The following PTPRM variants were observed in gnomAD, a reference collection of about 807,000 sequenced individuals.
PTPRM encodes the protein receptor-type tyrosine-protein phosphatase mu.
A neutral mutation model predicts 186.7 loss-of-function variants in PTPRM; 47 were observed. The observed-to-expected ratio is 0.25, with a 90% CI of 0.20 to 0.32. PTPRM has a LOEUF of 0.32. Ranked by LOEUF, PTPRM falls within the 10% of genes least tolerant of loss-of-function variation. PTPRM has a pLI of 1.00. For synonymous variants in PTPRM, 668 were observed against 674.9 expected, an observed-to-expected ratio of 0.99 and a Z score of 0.16; for missense variants, 1,494 against 1,865.0, an observed-to-expected ratio of 0.80 and a Z score of 3.66.
At chr18:7,689,849 G>A (rs1476661257) in intron 1 of PTPRM, among the ~76,000 whole-genome samples, 2 of 152,128 alleles carry the variant, frequency 1.3e-5, no homozygotes, top group South Asian at 4.1e-4. Context: ...TTTACACTCA[G>A]TGTTTTTACT....
intron 1 of PTPRM, among the ~76,000 whole-genome samples, chr18:7,719,903 T>C (rs952974532): frequency 1.3e-5 from 2 of 152,112 alleles, no homozygotes; most frequent in Admixed American, 6.5e-5. Context: ...AAAATTAACA[T>C]ACAAAAGTCA....
intron 7 of PTPRM, among the ~76,000 whole-genome samples, chr18:8,021,234 C>A (rs1164266870): frequency 2.0e-5 from 3 of 151,838 alleles, no homozygotes; most frequent in African/African-American, 7.3e-5. Context: ...TTCAAACAGT[C>A]CTGCAGGTGC....
At chr18:7,799,829 AT>A (rs990824541) in intron 2 of PTPRM, among the ~76,000 whole-genome samples, 4 of 152,132 alleles carry the variant, frequency 2.6e-5, no homozygotes, top group African/African-American at 9.7e-5. Flanking sequence ...TTATTCTGTA[AT>A]TTTTATATGC....
intron 11 of PTPRM, among the ~76,000 whole-genome samples, chr18:8,094,385 A>T (rs1807234629): frequency 6.6e-6 from 1 of 151,880 alleles, no homozygotes; most frequent in African/African-American, 2.4e-5. Flanking sequence ...AAAAGATATA[A>T]ATGTTTTGTA....
chr18:7,967,400 TCTC>T (rs2054208114), intron 7 of PTPRM, among the ~76,000 whole-genome samples: 2 of 11,326 alleles, frequency 1.8e-4, no homozygotes, highest in South Asian at 2.3e-3. Context: ...GCAGAGCGCC[TCTC>T]CTCCTCCAAA....
At chr18:8,302,129 A>G (rs1011552523) in intron 20 of PTPRM, among the ~76,000 whole-genome samples, 1 of 152,220 alleles carries the variant, frequency 6.6e-6, no homozygotes, top group African/African-American at 2.4e-5. Flanking sequence ...ATGATTACAA[A>G]ATAAAATTCA....
chr18:8,057,388 A>C (rs2088061916), intron 7 of PTPRM, among the ~76,000 whole-genome samples: 1 of 151,442 alleles, frequency 6.6e-6, no homozygotes, highest in African/African-American at 2.4e-5. Context: ...TTAAAATGAA[A>C]ACATATTTCA....
intron 2 of PTPRM, among the ~76,000 whole-genome samples, chr18:7,785,095 A>G (rs1459915189): frequency 6.6e-6 from 1 of 152,218 alleles, no homozygotes; most frequent in Admixed American, 6.5e-5. Context: ...GGGAAACTGC[A>G]TGTAGTTCTA....
At chr18:8,149,934 G>A (rs955866723) in intron 14 of PTPRM, among the ~76,000 whole-genome samples, 5 of 152,138 alleles carry the variant, frequency 3.3e-5, no homozygotes, top group South Asian at 4.1e-4. Flanking sequence ...GTGAAATTCC[G>A]GGTTGAAAAT....
intron 1 of PTPRM, among the ~76,000 whole-genome samples, chr18:7,599,110 G>T (rs1277216605): frequency 6.6e-6 from 1 of 152,158 alleles, no homozygotes; most frequent in East Asian, 1.9e-4. Flanking sequence ...TAACTCAGCT[G>T]TTGTTGAGAA....
At chr18:8,289,453 T>G (rs1320516620) in intron 19 of PTPRM, among the ~76,000 whole-genome samples, 4 of 86,040 alleles carry the variant, frequency 4.6e-5, no homozygotes, top group African/African-American at 2.3e-4. Context: ...CGTATATATG[T>G]ATATACATAT....
At chr18:7,708,288 A>G (rs971090166) in intron 1 of PTPRM, among the ~76,000 whole-genome samples, 1 of 152,228 alleles carries the variant, frequency 6.6e-6, no homozygotes, top group African/African-American at 2.4e-5. Flanking sequence ...CATAAAGAGT[A>G]TAATTGACAG....
chr18:7,934,642 C>T (rs1411240708), intron 5 of PTPRM, among the ~76,000 whole-genome samples: 1 of 152,200 alleles, frequency 6.6e-6, no homozygotes, highest in African/African-American at 2.4e-5. Flanking sequence ...TTACTGAACA[C>T]TGCTATGTGC....
At chr18:8,154,487 G>A (rs1162852825) in intron 14 of PTPRM, 2 of 152,196 alleles carry the variant, frequency 1.3e-5, no homozygotes, top group Admixed American at 6.5e-5. Flanking sequence ...GGATGAGCCA[G>A]CCGCCATCGT....
intron 1 of PTPRM, among the ~76,000 whole-genome samples, chr18:7,659,120 A>G (rs1465634468): frequency 1.1e-5 from 1 of 95,192 alleles, no homozygotes; most frequent in Non-Finnish European, 1.9e-5. Context: ...ATGTATGTAC[A>G]CACACACACA....
rs530030490 is a variant in PTPRM at position 7,936,298 on chromosome 18, G to T, written c.663+9615G>T. Among the ~76,000 whole-genome samples, 48 of 152,304 alleles carry T rather than the reference G, an allele frequency of 3.2e-4. 1 individual carries two copies. Among genetic ancestry groups the T allele is most frequent in the Non-Finnish European group, 6.9e-4 (47 of 68,016 alleles). ...CTGCAGCTACCCAGCCACGGCTGTGGACCTGGGCATCTTTGCACTCTCAGG... is the reference window on the plus strand; with the variant it reads ...CTGCAGCTACCCAGCCACGGCTGTGTACCTGGGCATCTTTGCACTCTCAGG... On this transcript the variant is annotated intron_variant, in intron 5 of 32. Transcript: ENST00000580170.
rs141440163 is a variant in PTPRM, at chr18:8,236,016, C to A, written c.2301-8042C>A. On this transcript the variant is annotated intron_variant, in intron 14 of 32. Coordinates refer to ENST00000580170, the MANE Select transcript of PTPRM (RefSeq NM_001105244.2). ...GATGCGGTCTATCTGGTGAATGTAC[C>A]CTGTGAACTTGAATATAATGTGTAT... Among the ~76,000 whole-genome samples the A allele has an allele frequency of 9.1e-3, 1,380 of 152,080 alleles. 20 individuals are homozygous for A. The highest frequency in any genetic ancestry group is 0.031 in the African/African-American group (1,293 of 41,474).
chr18:7,637,898 T>C (rs1483538298), intron 1 of PTPRM, among the ~76,000 whole-genome samples: 1 of 152,222 alleles, frequency 6.6e-6, no homozygotes, highest in Non-Finnish European at 1.5e-5. Context: ...TGTTCAAAAA[T>C]GTAACTTTGT....
At chr18:7,835,122 GTTAT>G (rs996931571) in intron 2 of PTPRM, among the ~76,000 whole-genome samples, 54 of 122,358 alleles carry the variant, frequency 4.4e-4, no homozygotes, top group African/African-American at 1.6e-3. Flanking sequence ...TCTGATTTTT[GTTAT>G]TTATTCTACT....
Sources: gnomAD v4.1 joint callset for allele counts (sites outside exome capture counted in the v4.1 genomes callset) on GRCh38, gnomAD v4.1.1 for gene constraint, MANE v1.5 for transcripts, NCBI Gene and HGNC (gene_info 2026-07-23, HGNC 2026-07-21) for gene names.